The following CEP162 variants were observed in gnomAD, a reference collection of about 807,000 sequenced individuals.
The protein encoded by CEP162 is centrosomal protein 162, also known as centrosomal protein of 162 kDa.
A neutral mutation model predicts 169.2 loss-of-function variants in CEP162; 141 were observed. The ratio of observed to expected loss-of-function variants is 0.83; its 90% CI spans 0.73 to 0.96. The LOEUF is 0.96. CEP162 is among the 40% of genes least tolerant of loss of function. The probability of loss-of-function intolerance (pLI) is 0.00; values close to 1 mark genes in which losing one functional copy is unlikely to be tolerated. For synonymous variants in CEP162, 540 were observed against 526.4 expected, an observed-to-expected ratio of 1.03 and a Z score of -0.35; for missense variants, 1,600 against 1,587.2, an observed-to-expected ratio of 1.01 and a Z score of -0.14.
At chr6:84,154,312 A>ATATCTACC (rs769320377) in intron 22 of CEP162, among the ~76,000 whole-genome samples, 1 of 149,996 alleles carries the variant, frequency 6.7e-6, no homozygotes, top group African/African-American at 2.5e-5. Flanking sequence ...GTTATCAGGG[A>ATATCTACC]TATCTATCTA....
At chr6:84,198,691 G>C (rs1686986633) in intron 9 of CEP162, among the ~76,000 whole-genome samples, 1 of 152,056 alleles carries the variant, frequency 6.6e-6, no homozygotes, top group African/African-American at 2.4e-5. Flanking sequence ...TATTAACAGA[G>C]GGTTGACATA....
intron 25 of CEP162, among the ~76,000 whole-genome samples, chr6:84,143,160 A>T (rs1225042893): frequency 6.6e-6 from 1 of 152,078 alleles, no homozygotes; most frequent in African/African-American, 2.4e-5. Context: ...AAATATACTG[A>T]AACATTAACT....
chr6:84,143,843 G>A (rs2099517708), intron 25 of CEP162, among the ~76,000 whole-genome samples: 1 of 151,924 alleles, frequency 6.6e-6, no homozygotes, highest in South Asian at 2.1e-4. Context: ...TTACCTTTAA[G>A]TTAATTTATG....
intron 5 of CEP162, among the ~76,000 whole-genome samples, chr6:84,214,995 T>C: frequency 6.6e-6 from 1 of 152,146 alleles, no homozygotes; most frequent in East Asian, 1.9e-4. Flanking sequence ...CTGTGGAAAA[T>C]GAATTAATAA....
intron 21 of CEP162, 44 bp from the exon 22 acceptor site, chr6:84,155,554 A>C (rs745754331): frequency 1.5e-6 from 2 of 1,307,748 alleles, no homozygotes; most frequent in Middle Eastern, 3.8e-4. Context: ...AGATTTAATA[A>C]ATGAATTCAG....
Position 84,186,494 on chromosome 6 carries a change from C to T in CEP162, c.1239G>A (p.Val413=). ...TCTCATTTGTGGTCTTTTGTAAAATCACATTCTCATCATTTTTGTCAAAAA... is the reference window on the plus strand; with the variant it reads ...TCTCATTTGTGGTCTTTTGTAAAATTACATTCTCATCATTTTTGTCAAAAA... The part of the protein sequence containing the change: ...NLFFDKNDEN[V]ILQKTTNESM... Residue 413 remains valine (V), a synonymous_variant, in exon 12 of 27, where the codon GTG becomes GTA. Coordinates refer to ENST00000403245, the MANE Select transcript of CEP162 (RefSeq NM_014895.4). 6.2e-7 allele frequency: 1 copy of T among 1,613,226 alleles called. No homozygotes were observed.
chr6:84,182,791 A>G lies in CEP162; in HGVS notation c.1663+2396T>C, dbSNP rs549520063. On this transcript the variant is annotated intron_variant, in intron 13 of 26. Coordinates refer to ENST00000403245, the MANE Select transcript of CEP162 (RefSeq NM_014895.4). The stretch of plus-strand genomic sequence containing the variant: ...ACAGCTTTCCAGCCATGAACTGCCT[A>G]TCTCTGGACTCTTTGTTACATAAAA... Among the ~76,000 whole-genome samples, 5 of 152,288 alleles carry G rather than the reference A, an allele frequency of 3.3e-5. No homozygotes were observed. In the South Asian group the frequency reaches 1.0e-3, roughly 32 times the overall value.
chr6:84,178,879 C>A (rs1341327784), intron 13 of CEP162, among the ~76,000 whole-genome samples: 2 of 152,086 alleles, frequency 1.3e-5, no homozygotes, highest in Non-Finnish European at 2.9e-5. Context: ...TCTCATTGTT[C>A]AATTCCCACC....
intron 2 of CEP162, among the ~76,000 whole-genome samples, chr6:84,225,040 T>A (rs939843688): frequency 2.0e-5 from 3 of 152,228 alleles, no homozygotes. Flanking sequence ...ATGAGACGGA[T>A]AATGAAGTTT....
rs763631800 is a variant in CEP162 at position 84,174,070 on chromosome 6, G to A, written c.2144C>T (p.Thr715Ile). The change falls in exon 16 of 27, where the codon ACA becomes ATA. Residue 715 changes from threonine (T) to isoleucine (I), a missense_variant. By Grantham distance (89) the Thr-to-Ile change is moderately conservative. Coordinates refer to ENST00000403245, the MANE Select transcript of CEP162 (RefSeq NM_014895.4). ...TACCTGTTGATATCCTTGAAGAAGT[G>A]TCTCTTGTTCTTGTATTTCTTTTTG... ...QIQKEIQEQETLLQGYQQENE... is the reference protein window; with the variant it reads ...QIQKEIQEQEILLQGYQQENE... The A allele has an allele frequency of 1.1e-5, 17 of 1,612,170 alleles. No individual in the cohort carries two copies. The South Asian group carries it at 1.7e-4, about 16-fold the overall frequency.
rs570935591 is a variant in CEP162 at position 84,189,757 on chromosome 6, A to G, written c.1110-3134T>C. ...CACCCAAGGGCTGAGGAATGCGAGC[A>G]CACGGCGCAGGACTGGCAGGCAGCT... On this transcript the variant is annotated intron_variant, in intron 11 of 26. Transcript: ENST00000403245. Among the ~76,000 whole-genome samples the G allele has an allele frequency of 6.2e-3, 937 of 152,246 alleles. 9 individuals are homozygous for G. The highest frequency in any genetic ancestry group is 8.8e-3 in the Non-Finnish European group (596 of 68,000).
At chr6:84,198,650 A>G (rs977483407) in intron 9 of CEP162, among the ~76,000 whole-genome samples, 4 of 152,208 alleles carry the variant, frequency 2.6e-5, no homozygotes, top group Non-Finnish European at 5.9e-5. Flanking sequence ...TTTATACTGT[A>G]TAACTCTAGG....
At chr6:84,187,143 C>G (rs1162328731) in intron 11 of CEP162, among the ~76,000 whole-genome samples, 1 of 151,854 alleles carries the variant, frequency 6.6e-6, no homozygotes, top group African/African-American at 2.4e-5. Context: ...TAATGTAAAA[C>G]AGAAAAATCA....
intron 6 of CEP162, among the ~76,000 whole-genome samples, chr6:84,207,505 G>A (rs965934791): frequency 1.4e-5 from 2 of 147,468 alleles, no homozygotes; most frequent in African/African-American, 2.5e-5. Flanking sequence ...CTTATAGGTG[G>A]GGATTGAACA....
chr6:84,139,418 T>C (rs1379984030), intron 25 of CEP162, among the ~76,000 whole-genome samples: 2 of 152,246 alleles, frequency 1.3e-5, no homozygotes, highest in Non-Finnish European at 2.9e-5. Flanking sequence ...TGATGTGTGC[T>C]GCACACATTA....
chr6:84,161,836 T>C lies in CEP162; in HGVS notation c.2586A>G (p.Leu862=), dbSNP rs201593373. The C allele has an allele frequency of 4.4e-6, 7 of 1,594,514 alleles. No individual in the cohort carries two copies. In the East Asian group the frequency reaches 9.0e-5, roughly 20 times the overall value. ...KQEISRLQKR[L]QWYAENQELL... ...GTTCCTGATTTTCAGCATACCACTG[T>C]AATCTTTTTTGCAGACGACTGATTT... Residue 862 remains leucine (L), a synonymous_variant, in exon 20 of 27, where the codon TTA becomes TTG. Transcript: ENST00000403245.
intron 20 of CEP162, among the ~76,000 whole-genome samples, chr6:84,161,316 A>G (rs2099525674): frequency 6.6e-6 from 1 of 152,200 alleles, no homozygotes; most frequent in Non-Finnish European, 1.5e-5. Context: ...AAAGGGAGTC[A>G]GGAAACGTCT....
intron 26 of CEP162, 42 bp from the exon 27 acceptor site, chr6:84,125,318 T>C: frequency 3.2e-6 from 5 of 1,550,008 alleles, no homozygotes; most frequent in Non-Finnish European, 4.4e-6. Flanking sequence ...TAGTTCATAG[T>C]GGTGGGTGAG....
chr6:84,223,302 C>G (rs1262505162), intron 2 of CEP162, among the ~76,000 whole-genome samples: 2 of 151,076 alleles, frequency 1.3e-5, no homozygotes, highest in African/African-American at 4.9e-5. Flanking sequence ...AGTTTGAGAC[C>G]AGCCTGACCA....
Sources: allele counts gnomAD v4.1 joint callset (sites outside exome capture counted in the v4.1 genomes callset), GRCh38; gene constraint gnomAD v4.1.1; transcripts MANE v1.5; gene names NCBI Gene and HGNC (gene_info 2026-07-23, HGNC 2026-07-21).